EIF4E: variants seen among roughly 807,000 people sequenced by gnomAD.
EIF4E encodes eIF-4F 25 kDa subunit.
For missense variants in EIF4E, 113 were observed against 265.6 expected (o/e 0.43, Z 3.99); for synonymous variants, 71 against 88.5 (o/e 0.80, Z 1.11).
intron 6 of EIF4E, among the ~76,000 whole-genome samples, chr4:98,883,393 A>ATTTTTTTTTTTTTT (rs11408890): frequency 2.9e-5 from 3 of 103,896 alleles, no homozygotes; most frequent in Non-Finnish European, 3.6e-5. Context: ...TGTAAGTCAA[A>ATTTTTTTTTTTTTT]TTTTTTTTTT....
chr4:98,892,184 G>A (rs1456463720), intron 2 of EIF4E, among the ~76,000 whole-genome samples: 1 of 150,410 alleles, frequency 6.6e-6, no homozygotes, highest in South Asian at 2.1e-4. Context: ...CCGTCTCTAG[G>A]AAAAATACAA....
chr4:98,908,812 A>G (rs924312186), intron 1 of EIF4E, among the ~76,000 whole-genome samples: 13 of 152,196 alleles, frequency 8.5e-5, no homozygotes, highest in African/African-American at 3.1e-4. Flanking sequence ...TCCACTCTTC[A>G]GACAAATCTG....
At chr4:98,903,172 G>A (rs1724721074) in intron 1 of EIF4E, among the ~76,000 whole-genome samples, 2 of 152,134 alleles carry the variant, frequency 1.3e-5, no homozygotes, top group South Asian at 4.1e-4. Context: ...AAAGAAGAGA[G>A]CCAAAGAAAG....
rs1723964340 is a variant in EIF4E at position 98,887,338 on chromosome 4, A to AT, written c.286-147dup. ...CATTGATGTAGTTTTTAAACAGCACATAAGACTTAAAGCCAGAGGCATGAC... is the reference window on the plus strand; with the variant it reads ...CATTGATGTAGTTTTTAAACAGCACATTAAGACTTAAAGCCAGAGGCATGAC... On this transcript the variant is annotated intron_variant, in intron 4 of 6. Coordinates refer to ENST00000450253, the MANE Select transcript of EIF4E (RefSeq NM_001968.5). This position sits in a 1 kb window ranked among gnomAD's most constrained non-coding sequence, Gnocchi z 4.0. 1.2e-6 allele frequency: 1 copy of AT among 829,478 alleles called. No homozygotes were observed. Among genetic ancestry groups the AT allele is most frequent in the African/African-American group, 1.7e-5 (1 of 59,864 alleles). 51.4% of individuals were successfully genotyped at this position (829,478 alleles called of 1,614,324 possible).
At chr4:98,890,456 A>C (rs760664709) in intron 3 of EIF4E, among the ~76,000 whole-genome samples, 3 of 152,206 alleles carry the variant, frequency 2.0e-5, no homozygotes, top group Non-Finnish European at 4.4e-5. Context: ...CTTTGTTTTT[A>C]AGAGAATCAA....
At chr4:98,905,414 T>C (rs901679382) in intron 1 of EIF4E, among the ~76,000 whole-genome samples, 1 of 152,010 alleles carries the variant, frequency 6.6e-6, no homozygotes, top group African/African-American at 2.4e-5. Flanking sequence ...TTTAGGTGGG[T>C]AGAATAGGGA....
Position 98,880,972 on chromosome 4 carries a change from C to G in EIF4E, c.*56G>C. ...TTTTTGAAGAGGCTTTGGTTCAGCT[C>G]CCAAATCTCGATTGCTTGACGCAGT... On this transcript the variant is annotated 3_prime_UTR_variant, in exon 7 of 7. Coordinates refer to ENST00000450253, the MANE Select transcript of EIF4E (RefSeq NM_001968.5). 1.3e-6 allele frequency: 2 copies of G among 1,550,670 alleles called. No individual in the cohort carries two copies. Among genetic ancestry groups the G allele is most frequent in the South Asian group, 2.4e-5 (2 of 83,058 alleles).
chr4:98,929,063 C>A (rs1346169648), intron 1 of EIF4E, 32 bp downstream of exon 1: 2 of 1,577,760 alleles, frequency 1.3e-6, no homozygotes, highest in East Asian at 2.3e-5. Flanking sequence ...GCGCGGGGAC[C>A]CGTGGGGGTG....
At chr4:98,914,764 T>C (rs1219407798) in intron 1 of EIF4E, among the ~76,000 whole-genome samples, 1 of 152,196 alleles carries the variant, frequency 6.6e-6, no homozygotes, top group Non-Finnish European at 1.5e-5. Flanking sequence ...AACCCTAATG[T>C]AAAGTATGAA....
At chr4:98,916,866 A>T (rs1725401629) in intron 1 of EIF4E, among the ~76,000 whole-genome samples, 1 of 152,118 alleles carries the variant, frequency 6.6e-6, no homozygotes, top group Admixed American at 6.6e-5. Flanking sequence ...AATAACAGGA[A>T]GATAAAGGGC....
intron 1 of EIF4E, among the ~76,000 whole-genome samples, chr4:98,913,220 A>T (rs1725229933): frequency 6.6e-6 from 1 of 152,156 alleles, no homozygotes; most frequent in Admixed American, 6.5e-5. Flanking sequence ...AAAAAAAAAA[A>T]ATTCTATGTG....
chr4:98,914,481 A>AAG (rs999980376), intron 1 of EIF4E, among the ~76,000 whole-genome samples: 1 of 151,970 alleles, frequency 6.6e-6, no homozygotes, highest in Non-Finnish European at 1.5e-5. Context: ...TGCTAAAATA[A>AAG]AATGAGTTAT....
chr4:98,905,588 T>A (rs1024950981), intron 1 of EIF4E, among the ~76,000 whole-genome samples: 5 of 152,140 alleles, frequency 3.3e-5, no homozygotes, highest in African/African-American at 4.8e-5. Flanking sequence ...TTGGGGGCAA[T>A]GAAAGCCATT....
intron 2 of EIF4E, among the ~76,000 whole-genome samples, chr4:98,898,851 T>C (rs982926788): frequency 6.6e-6 from 1 of 151,592 alleles, no homozygotes; most frequent in Non-Finnish European, 1.5e-5. Flanking sequence ...TTTTTAAGAG[T>C]GTAAAGGAAT....
chr4:98,902,985 T>C (rs1724714839), intron 1 of EIF4E, among the ~76,000 whole-genome samples: 1 of 152,240 alleles, frequency 6.6e-6, no homozygotes, highest in African/African-American at 2.4e-5. Context: ...ATATTTTCAA[T>C]GGAACCTAAC....
At chr4:98,928,009 T>C (rs770292371) in intron 1 of EIF4E, among the ~76,000 whole-genome samples, 4 of 152,058 alleles carry the variant, frequency 2.6e-5, no homozygotes, top group East Asian at 1.9e-4. Context: ...GGTGCCTAAA[T>C]TGAAATGAAA....
chr4:98,905,231 TAAAA>T (rs72074867), intron 1 of EIF4E, among the ~76,000 whole-genome samples: 1 of 140,572 alleles, frequency 7.1e-6, no homozygotes, highest in South Asian at 2.3e-4. Flanking sequence ...TCAGGGAATT[TAAAA>T]AAAAAAAAAA....
intron 1 of EIF4E, among the ~76,000 whole-genome samples, chr4:98,920,996 A>T (rs1725620828): frequency 1.3e-5 from 2 of 152,278 alleles, no homozygotes; most frequent in East Asian, 3.9e-4. Context: ...GTTCTCTCTC[A>T]CTTATGTTAA....
At chr4:98,909,366 T>A (rs1321284768) in intron 1 of EIF4E, among the ~76,000 whole-genome samples, 1 of 152,230 alleles carries the variant, frequency 6.6e-6, no homozygotes, top group Non-Finnish European at 1.5e-5. Context: ...TATCTACTGT[T>A]AGTTCTCAGT....
Sources: gnomAD v4.1 joint callset for allele counts (sites outside exome capture counted in the v4.1 genomes callset) on GRCh38, gnomAD v4.1.1 for gene constraint, Gnocchi (gnomAD v3.1) non-coding constraint, MANE v1.5 for transcripts, NCBI Gene and HGNC (gene_info 2026-07-23, HGNC 2026-07-21) for gene names.